PTPN1: variants seen among roughly 807,000 people sequenced by gnomAD.
PTPN1 encodes protein tyrosine phosphatase non-receptor type 1.
PTPN1 carries 12 observed loss-of-function variants against 59.9 expected under a neutral mutation model. That is an observed-to-expected ratio of 0.20 (90% CI 0.13 to 0.32). The LOEUF is 0.32. PTPN1 is among the 10% of genes least tolerant of loss of function. The pLI, the probability that PTPN1 is intolerant of heterozygous loss-of-function variation, is 1.00. For synonymous variants in PTPN1, 178 were observed against 203.6 expected (o/e 0.87, Z 1.07); for missense variants, 356 against 549.2 (o/e 0.65, Z 3.52).
At chr20:50,554,380 ATCTCTC>A (rs1555829975) in intron 1 of PTPN1, among the ~76,000 whole-genome samples, 5 of 140,200 alleles carry the variant, frequency 3.6e-5, no homozygotes, top group African/African-American at 5.4e-5. Context: ...GCAAGACCAC[ATCTCTC>A]TCTCTCTCTC....
Position 50,583,513 on chromosome 20 carries a change from T to C in PTPN1, c.*798T>C, listed in dbSNP as rs902478281. On this transcript the variant is annotated 3_prime_UTR_variant, in exon 10 of 10. Coordinates refer to ENST00000371621, the MANE Select transcript of PTPN1 (RefSeq NM_002827.4). ...TGTGTATTAGAATGCATGTAAGGTCTTCTTGTGTCCTGATGAAAAATATGT... is the reference window on the plus strand; with the variant it reads ...TGTGTATTAGAATGCATGTAAGGTCCTCTTGTGTCCTGATGAAAAATATGT... 6.6e-6 allele frequency: 1 copy of C among 152,290 alleles called. No homozygotes were observed. The highest frequency in any genetic ancestry group is 2.4e-5 in the African/African-American group (1 of 41,458). The allele number at this position is 152,290 out of a possible 1,614,324, so 9.4% of individuals were successfully genotyped here.
chr20:50,563,279 G>C (rs2082761854), intron 2 of PTPN1, among the ~76,000 whole-genome samples: 2 of 152,098 alleles, frequency 1.3e-5, no homozygotes, highest in South Asian at 4.2e-4. Context: ...GGTTATGGGG[G>C]AGAATGAGTC....
chr20:50,548,682 A>G (rs1415350453), intron 1 of PTPN1, among the ~76,000 whole-genome samples: 1 of 152,026 alleles, frequency 6.6e-6, no homozygotes, highest in Non-Finnish European at 1.5e-5. Context: ...CTGAGATTAT[A>G]GGTGTGAACC....
chr20:50,513,756 C>T (rs1384539021), intron 1 of PTPN1, among the ~76,000 whole-genome samples: 1 of 152,110 alleles, frequency 6.6e-6, no homozygotes, highest in Non-Finnish European at 1.5e-5. Flanking sequence ...TACTGATATA[C>T]AGCTTATGTT....
intron 1 of PTPN1, among the ~76,000 whole-genome samples, chr20:50,546,902 G>C (rs549010184): frequency 6.6e-6 from 1 of 152,292 alleles, no homozygotes; most frequent in East Asian, 1.9e-4. Flanking sequence ...ACTGTCCTCC[G>C]GCAAACAGCA....
In PTPN1 at chr20:50,578,500, C is replaced by T. The variant is rs1217402869; in HGVS notation, c.573C>T (p.Phe191=). 1 of 1,614,104 alleles carries T rather than the reference C, an allele frequency of 6.2e-7. No homozygotes were observed. Among genetic ancestry groups the T allele is most frequent in the South Asian group, 1.1e-5 (1 of 91,094 alleles). ...DFGVPESPAS[F]LNFLFKVRES... ...GAGTCCCTGAATCACCAGCCTCATT[C>T]TTGAACTTTCTTTTCAAAGTCCGAG... The change falls in exon 6 of 10, where the codon TTC becomes TTT. Residue 191 remains phenylalanine (F), a synonymous_variant. Transcript: ENST00000371621.
chr20:50,537,397 C>A (rs934793675), intron 1 of PTPN1, among the ~76,000 whole-genome samples: 2 of 152,062 alleles, frequency 1.3e-5, no homozygotes, highest in African/African-American at 4.8e-5. Flanking sequence ...TTGCCTAGTT[C>A]CCCCATCCAC....
chr20:50,524,121 C>G (rs1186775717), intron 1 of PTPN1, among the ~76,000 whole-genome samples: 2 of 152,170 alleles, frequency 1.3e-5, no homozygotes, highest in Non-Finnish European at 2.9e-5. Context: ...CATATGGCCT[C>G]TAAACGCTTC....
chr20:50,516,513 T>A (rs2082529660), intron 1 of PTPN1, among the ~76,000 whole-genome samples: 1 of 152,230 alleles, frequency 6.6e-6, no homozygotes, highest in South Asian at 2.1e-4. Flanking sequence ...TCCTGAATAA[T>A]CCTTGTAAAA....
At position 50,520,089 on chromosome 20, in the gene PTPN1, C is replaced by T. The variant is rs578248581; in HGVS notation, c.63+9499C>T. 1.4e-4 allele frequency among the ~76,000 whole-genome samples: 22 copies of T among 152,000 alleles called. No individual in the cohort carries two copies. In the East Asian group the frequency reaches 3.3e-3, roughly 23 times the overall value. ...GACAGTATTTAAAAATCTTTGATTCCGGCCGGGCATGGTGGCTCACGCCTG... is the reference window on the plus strand; with the variant it reads ...GACAGTATTTAAAAATCTTTGATTCTGGCCGGGCATGGTGGCTCACGCCTG... On this transcript the variant is annotated intron_variant, in intron 1 of 9. Coordinates refer to ENST00000371621, the MANE Select transcript of PTPN1 (RefSeq NM_002827.4).
chr20:50,551,919 T>A (rs1043742551), intron 1 of PTPN1, among the ~76,000 whole-genome samples: 4 of 152,242 alleles, frequency 2.6e-5, no homozygotes, highest in Non-Finnish European at 5.9e-5. Context: ...GGCTTTTATT[T>A]TATTTTGTTT....
At chr20:50,530,706 T>A (rs1286583425) in intron 1 of PTPN1, among the ~76,000 whole-genome samples, 1 of 150,052 alleles carries the variant, frequency 6.7e-6, no homozygotes, top group Non-Finnish European at 1.5e-5. Flanking sequence ...TTTTTTTTTC[T>A]TTTTGAGACA....
chr20:50,561,257 T>C (rs974200159), intron 1 of PTPN1, 106 bp from the exon 2 acceptor site: 7 of 845,378 alleles, frequency 8.3e-6, no homozygotes, highest in East Asian at 2.6e-5. Context: ...CTCTGAATTA[T>C]CACCTTGCAT....
intron 1 of PTPN1, among the ~76,000 whole-genome samples, chr20:50,525,468 T>C (rs975585280): frequency 6.6e-6 from 1 of 152,258 alleles, no homozygotes; most frequent in East Asian, 1.9e-4. Context: ...GCTTGCCATA[T>C]AGAAGCAGTC....
intron 1 of PTPN1, among the ~76,000 whole-genome samples, chr20:50,528,493 C>T (rs2082586880): frequency 6.6e-6 from 1 of 151,986 alleles, no homozygotes; most frequent in South Asian, 2.1e-4. Flanking sequence ...GTGGGCGGAT[C>T]ACTTGAGGTC....
rs1191599473 is a variant in PTPN1, at chr20:50,578,537, C to T, written c.610C>T (p.Leu204Phe). The T allele has an allele frequency of 6.2e-7, 1 of 1,614,118 alleles. No individual in the cohort carries two copies. The highest frequency in any genetic ancestry group is 1.3e-5 in the African/African-American group (1 of 74,944). ...TTTCAAAGTCCGAGAGTCAGGGTCA[C>T]TCAGCCCGGAGCACGGGCCCGTTGT... ...FLFKVRESGS[L>F]SPEHGPVVVH... The change falls in exon 6 of 10, where the codon CTC (leucine) becomes TTC (phenylalanine). Residue 204 changes from leucine to phenylalanine, a missense_variant. Leu to Phe is a conservative substitution (Grantham distance 22). Transcript: ENST00000371621.
chr20:50,553,259 T>G (rs1352210040), intron 1 of PTPN1, among the ~76,000 whole-genome samples: 1 of 152,192 alleles, frequency 6.6e-6, no homozygotes, highest in Non-Finnish European at 1.5e-5. Flanking sequence ...ATTACCTTAG[T>G]AGACTGGAAA....
chr20:50,579,985 A>G, intron 8 of PTPN1, 59 bp downstream of exon 8: 1 of 1,485,264 alleles, frequency 6.7e-7, no homozygotes, highest in Non-Finnish European at 9.4e-7. Flanking sequence ...TGTTCTAGAA[A>G]CACACGCTGG....
At chr20:50,557,592 TTGTAC>T (rs774621987) in intron 1 of PTPN1, 1 of 152,258 alleles carries the variant, frequency 6.6e-6, no homozygotes, top group Non-Finnish European at 1.5e-5. Flanking sequence ...ACAGATAGTA[TTGTAC>T]TGTACTGTAC....
Sources: gnomAD v4.1 joint callset for allele counts (sites outside exome capture counted in the v4.1 genomes callset) on GRCh38, gnomAD v4.1.1 for gene constraint, MANE v1.5 for transcripts, NCBI Gene and HGNC (gene_info 2026-07-23, HGNC 2026-07-21) for gene names.